Variants in LEMD2 observed in about 807,000 individuals in gnomAD.
LEMD2 encodes LEM domain-containing protein 2.
In LEMD2, 34 loss-of-function variants were observed where a neutral mutation model predicts 58.8. The ratio of observed to expected loss-of-function variants is 0.58; its 90% CI spans 0.44 to 0.77. LEMD2 has a LOEUF of 0.77. Among genes scored for constraint, LEMD2 ranks in the 30% least tolerant of loss-of-function variants. The pLI is 0.00. For synonymous variants in LEMD2, 298 were observed against 308.9 expected, an observed-to-expected ratio of 0.96 and a Z score of 0.37; for missense variants, 629 against 717.9, an observed-to-expected ratio of 0.88 and a Z score of 1.42.
rs1193183821 is a variant in LEMD2, at chr6:33,788,572, C to T, written c.545G>A (p.Arg182His). The change falls in exon 1 of 9, where the codon CGC becomes CAC. Residue 182 changes from arginine (R) to histidine (H), a missense_variant. Physicochemically the swap from Arg to His is conservative, Grantham distance 29 (BLOSUM62 0). Around this residue, in one of 2 missense-constraint regions of LEMD2, gnomAD observed 386 missense variants for 381.1 expected, o/e 1.01. Transcript: ENST00000293760. The stretch of plus-strand genomic sequence containing the variant: ...CGCTCGAGTCGCCCGCAGGCCCGGG[C>T]GCGGGTCGGGACCGAGGAGGGAGGA... ...LPSSLLGPDP[R>H]PGLRATRAGP... is the part of the protein sequence containing the mutation. 5.0e-6 allele frequency: 7 copies of T among 1,391,530 alleles called. No individual in the cohort carries two copies. In the East Asian group the frequency reaches 1.8e-4, roughly 36 times the overall value. 86.2% of individuals were successfully genotyped at this position (1,391,530 alleles called of 1,614,324 possible). A position where few individuals can be genotyped will look rare whatever the true frequency, so the allele number is the denominator to read the frequency against.
intron 8 of LEMD2, among the ~76,000 whole-genome samples, chr6:33,774,970 CTGAA>C (rs3067716): frequency 0.32 from 48,555 of 151,416 alleles, 8,712 homozygotes; most frequent in East Asian, 0.67. Flanking sequence ...TGTGGAGGAA[CTGAA>C]TGAATGAATG....
intron 8 of LEMD2, among the ~76,000 whole-genome samples, chr6:33,776,415 C>T (rs1767431546): frequency 6.6e-6 from 1 of 152,114 alleles, no homozygotes; most frequent in African/African-American, 2.4e-5. Context: ...GCTTATAAGA[C>T]AACAATAGGC....
In LEMD2 at chr6:33,788,589, G is replaced by A. The variant is rs1458134708; in HGVS notation, c.528C>T (p.Leu176=). The A allele has an allele frequency of 1.5e-6, 2 of 1,308,170 alleles. No homozygotes were observed. The highest frequency in any genetic ancestry group is 1.9e-6 in the Non-Finnish European group (2 of 1,032,426). 81.0% of individuals were successfully genotyped at this position (1,308,170 alleles called of 1,614,324 possible). A position where few individuals can be genotyped will look rare whatever the true frequency, so the allele number is the denominator to read the frequency against. The part of the protein sequence containing the change: ...SPAPARLPSS[L]LGPDPRPGLR... ...GGCCCGGGCGCGGGTCGGGACCGAG[G>A]AGGGAGGAAGGCAGCCGCGCCGGGG... Residue 176 remains leucine (L), a synonymous_variant, in exon 1 of 9, where the codon CTC becomes CTT. Coordinates refer to ENST00000293760, the MANE Select transcript of LEMD2 (RefSeq NM_181336.4).
intron 2 of LEMD2, chr6:33,784,755 T>G: frequency 4.3e-6 from 1 of 230,376 alleles, no homozygotes; most frequent in African/African-American, 2.2e-5. Flanking sequence ...GGCGACGTGG[T>G]CGGGGGATGA....
At position 33,776,286 on chromosome 6, in the gene LEMD2, T is replaced by C. The variant is rs370425162; in HGVS notation, c.1361+668A>G. 9.2e-5 allele frequency among the ~76,000 whole-genome samples: 14 copies of C among 152,360 alleles called. No individual in the cohort carries two copies. In the East Asian group the frequency reaches 9.6e-4, roughly 10 times the overall value. On this transcript the variant is annotated intron_variant, in intron 8 of 8. Coordinates refer to ENST00000293760, the MANE Select transcript of LEMD2 (RefSeq NM_181336.4). ...GACTGCAGGTCATGGTTTAAAAAGT[T>C]TGAAAAACAATTTCCTCCTCCTTGC...
At position 33,777,021 on chromosome 6, in the gene LEMD2, C is replaced by A. The variant is rs1219027797; in HGVS notation, c.1294G>T (p.Asp432Tyr). ...VQDHYVDWEQ[D>Y]MERYPYVGIL... ...CCTACATATGGATAGCGCTCCATGTCCTGCTCCCAGTCCACGTAATGGTCC... is the reference window on the plus strand; with the variant it reads ...CCTACATATGGATAGCGCTCCATGTACTGCTCCCAGTCCACGTAATGGTCC... The change falls in exon 8 of 9, where the codon GAC becomes TAC. Residue 432 changes from aspartate (D) to tyrosine (Y), a missense_variant. By Grantham distance (160) the Asp-to-Tyr change is radical (BLOSUM62 -3). Around this residue, in one of 2 missense-constraint regions of LEMD2, gnomAD observed 243 missense variants for 336.8 expected, o/e 0.72. Transcript: ENST00000293760. The A allele has an allele frequency of 2.5e-6, 4 of 1,614,210 alleles. No homozygotes were observed. The highest frequency in any genetic ancestry group is 2.2e-5 in the South Asian group (2 of 91,086).
intron 1 of LEMD2, chr6:33,787,065 A>T: frequency 2.4e-6 from 1 of 424,794 alleles, no homozygotes; most frequent in Non-Finnish European, 4.1e-6. Context: ...TCGTCTGTAA[A>T]ACGGGATCAA....
intron 4 of LEMD2, 102 bp downstream of exon 4, chr6:33,780,975 G>T: frequency 1.3e-6 from 1 of 745,334 alleles, no homozygotes; most frequent in Non-Finnish European, 2.3e-6. Flanking sequence ...TAGTACAAAA[G>T]CCACAAAGCA....
rs1767733174 is a variant in LEMD2 at position 33,788,368 on chromosome 6, G to A, written c.736+13C>T. ...GCGCCCAGGGCCCTCCCCTGCGCCG[G>A]CCCAGGACGTACTGTTGTCCTCCGC... On this transcript the variant is annotated intron_variant, in intron 1 of 8. Transcript: ENST00000293760. 1.3e-5 allele frequency: 20 copies of A among 1,556,128 alleles called. No homozygotes were observed. Among genetic ancestry groups the A allele is most frequent in the Non-Finnish European group, 1.6e-5 (18 of 1,153,192 alleles).
intron 6 of LEMD2, among the ~76,000 whole-genome samples, chr6:33,777,901 C>A (rs1767473599): frequency 6.6e-6 from 1 of 152,214 alleles, no homozygotes; most frequent in African/African-American, 2.4e-5. Flanking sequence ...TGCTGTGCCT[C>A]CTGCTCGAAG....
chr6:33,777,009 A>T lies in LEMD2; in HGVS notation c.1306T>A (p.Tyr436Asn). Reference sequence around the variant, plus strand: ...ACGTGCAGGATGCCTACATATGGATAGCGCTCCATGTCCTGCTCCCAGTCC... The same window carrying T: ...ACGTGCAGGATGCCTACATATGGATTGCGCTCCATGTCCTGCTCCCAGTCC... ...YVDWEQDMERYPYVGILHVRD... is the reference protein window; with the variant it reads ...YVDWEQDMERNPYVGILHVRD... The change falls in exon 8 of 9, where the codon TAT (tyrosine) becomes AAT (asparagine). Residue 436 changes from tyrosine to asparagine, a missense_variant. Tyr to Asn is a moderately radical substitution (Grantham distance 143). Around this residue, in one of 2 missense-constraint regions of LEMD2, gnomAD observed 243 missense variants for 336.8 expected, o/e 0.72. Coordinates refer to ENST00000293760, the MANE Select transcript of LEMD2 (RefSeq NM_181336.4). 1 of 1,614,202 alleles carries T rather than the reference A, an allele frequency of 6.2e-7. No homozygotes were observed. Among genetic ancestry groups the T allele is most frequent in the Non-Finnish European group, 8.5e-7 (1 of 1,180,034 alleles).
chr6:33,787,347 T>C (rs1281439762), intron 1 of LEMD2, among the ~76,000 whole-genome samples: 2 of 151,898 alleles, frequency 1.3e-5, no homozygotes, highest in Non-Finnish European at 2.9e-5. Flanking sequence ...ATTCACATAG[T>C]TGATAAATGC....
intron 8 of LEMD2, 116 bp downstream of exon 8, chr6:33,776,838 G>C (rs1014017148): frequency 9.8e-5 from 77 of 789,668 alleles, no homozygotes; most frequent in Non-Finnish European, 1.7e-5. Flanking sequence ...CTTGGCCCTG[G>C]GGTCTGCACT....
chr6:33,774,994 A>C (rs931090600), intron 8 of LEMD2, among the ~76,000 whole-genome samples: 1 of 146,608 alleles, frequency 6.8e-6, no homozygotes, highest in Non-Finnish European at 1.5e-5. Flanking sequence ...GAATGAATGA[A>C]TGATAGTCTC....
chr6:33,782,793 C>T (rs920212859), intron 3 of LEMD2, among the ~76,000 whole-genome samples: 1 of 152,236 alleles, frequency 6.6e-6, no homozygotes, highest in Non-Finnish European at 1.5e-5. Context: ...CTGCACAGTG[C>T]CCAGCCCACA....
intron 2 of LEMD2, 50 bp from the exon 3 acceptor site, chr6:33,784,477 G>GGGGGGGCCCCCCCC: frequency 7.0e-6 from 3 of 430,788 alleles, no homozygotes; most frequent in Non-Finnish European, 9.5e-6. Context: ...GGTGGGAGGG[G>GGGGGGGCCCCCCCC]TCCGTCTGTC....
Position 33,784,351 on chromosome 6 carries a change from C to T in LEMD2, c.853+1G>A. On this transcript the variant is annotated splice_donor_variant, in intron 3 of 8. Coordinates refer to ENST00000293760, the MANE Select transcript of LEMD2 (RefSeq NM_181336.4). LOFTEE classifies it high-confidence loss of function. ...TCTCAGGACTTACGTGACTTACTCACCAGCTTGGATGGCCAGGAAATTGTA... is the reference window on the plus strand; with the variant it reads ...TCTCAGGACTTACGTGACTTACTCATCAGCTTGGATGGCCAGGAAATTGTA... 2 of 1,611,784 alleles carry T rather than the reference C, an allele frequency of 1.2e-6. No homozygotes were observed. Among genetic ancestry groups the T allele is most frequent in the Non-Finnish European group, 1.7e-6 (2 of 1,178,406 alleles).
intron 3 of LEMD2, among the ~76,000 whole-genome samples, chr6:33,783,037 T>G (rs1165545372): frequency 6.6e-6 from 1 of 152,184 alleles, no homozygotes; most frequent in Non-Finnish European, 1.5e-5. Flanking sequence ...AACTTTAGGG[T>G]GCACTCAAAT....
rs1438170273 is a variant in LEMD2 at position 33,788,721 on chromosome 6, G to C, written c.396C>G (p.Arg132=). The change falls in exon 1 of 9, where the codon CGC becomes CGG. Residue 132 remains arginine, a synonymous_variant. Coordinates refer to ENST00000293760, the MANE Select transcript of LEMD2 (RefSeq NM_181336.4). The part of the protein sequence containing the change: ...YPARPAQLRR[R]ASVRGSSEED... ...CCTCGGAGCTGCCCCGGACCGAGGC[G>C]CGGCGCCTGAGTTGCGCCGGGCGGG... 3 of 1,424,196 alleles carry C rather than the reference G, an allele frequency of 2.1e-6. No homozygotes were observed. The highest frequency in any genetic ancestry group is 1.5e-5 in the African/African-American group (1 of 67,296). 88.2% of individuals were successfully genotyped at this position (1,424,196 alleles called of 1,614,324 possible).
Sources: gnomAD v4.1 joint callset for allele counts (sites outside exome capture counted in the v4.1 genomes callset) on GRCh38, gnomAD v4.1.1 for gene constraint, gnomAD v4.1.1 regional missense constraint, MANE v1.5 for transcripts, NCBI Gene and HGNC (gene_info 2026-07-23, HGNC 2026-07-21) for gene names.